ARHGAP28: variants seen among roughly 807,000 people sequenced by gnomAD.
The protein encoded by ARHGAP28 is rho GTPase-activating protein 28.
A neutral mutation model predicts 90.7 loss-of-function variants in ARHGAP28; 56 were observed. The observed-to-expected ratio is 0.62, with a 90% CI of 0.50 to 0.77. ARHGAP28 has a LOEUF of 0.77. Among genes scored for constraint, ARHGAP28 ranks in the 30% least tolerant of loss-of-function variants. The pLI is 0.00. For synonymous variants in ARHGAP28, 308 were observed against 323.3 expected, an observed-to-expected ratio of 0.95 and a Z score of 0.51; for missense variants, 869 against 900.9, an observed-to-expected ratio of 0.96 and a Z score of 0.45.
intron 5 of ARHGAP28, among the ~76,000 whole-genome samples, chr18:6,862,561 C>T (rs752535165): frequency 2.0e-5 from 3 of 152,188 alleles, no homozygotes; most frequent in African/African-American, 4.8e-5. Flanking sequence ...ATGTCTGTCT[C>T]TATGGTTTGT....
intron 1 of ARHGAP28, among the ~76,000 whole-genome samples, chr18:6,767,437 G>A (rs11081270): frequency 0.12 from 17,999 of 151,932 alleles, 1,442 homozygotes; most frequent in African/African-American, 0.21. Context: ...AGAGGTCCAA[G>A]TTTCCATCTG....
chr18:6,905,884 AT>A (rs1445870469), intron 16 of ARHGAP28, among the ~76,000 whole-genome samples: 2 of 152,152 alleles, frequency 1.3e-5, no homozygotes, highest in Non-Finnish European at 2.9e-5. Context: ...GGTGAAAGAA[AT>A]TAAAGAAGAC....
In ARHGAP28 at chr18:6,769,782, T is replaced by C. The variant is rs541801411; in HGVS notation, c.122+39839T>C. On this transcript the variant is annotated intron_variant, in intron 1 of 17. Transcript: ENST00000383472. ...ATGTCTATCTTCGTAGTTTATGAAT[T>C]GATTGAGAATAGGAACCCTGTACTT... Among the ~76,000 whole-genome samples the C allele has an allele frequency of 5.3e-5, 8 of 152,342 alleles. No individual in the cohort carries two copies. The South Asian group carries it at 1.7e-3, about 32-fold the overall frequency.
At chr18:6,860,829 T>A (rs899011074) in intron 5 of ARHGAP28, among the ~76,000 whole-genome samples, 7 of 152,176 alleles carry the variant, frequency 4.6e-5, no homozygotes, top group Non-Finnish European at 7.3e-5. Context: ...AGGAATAAAA[T>A]AATATGAGTG....
chr18:6,749,621 A>G (rs1397311367), intron 1 of ARHGAP28, among the ~76,000 whole-genome samples: 1 of 152,104 alleles, frequency 6.6e-6, no homozygotes, highest in African/African-American at 2.4e-5. Flanking sequence ...AATATGTGGC[A>G]TTAGAGTATA....
At chr18:6,783,508 T>C (rs1361486847) in intron 1 of ARHGAP28, among the ~76,000 whole-genome samples, 1 of 143,498 alleles carries the variant, frequency 7.0e-6, no homozygotes, top group African/African-American at 3.0e-5. Flanking sequence ...TCCATGTTGG[T>C]CAGGCTGGTC....
intron 9 of ARHGAP28, chr18:6,874,757 G>T (rs930606538): frequency 6.6e-6 from 1 of 152,138 alleles, no homozygotes; most frequent in East Asian, 1.9e-4. Context: ...ATGGCCAGAG[G>T]ATACAAGCAA....
intron 3 of ARHGAP28, among the ~76,000 whole-genome samples, chr18:6,841,167 C>CCTCTCTCTCTCTCTCTCCTCTCTCTCT (rs776937358): frequency 3.8e-5 from 3 of 79,996 alleles, no homozygotes; most frequent in Admixed American, 1.3e-4. Flanking sequence ...TTCTCTCTCT[C>CCTCTCTCTCTCTCTCTCCTCTCTCTCT]CTCTCTCTCT....
chr18:6,748,808 C>A (rs1336272577), intron 1 of ARHGAP28, among the ~76,000 whole-genome samples: 1 of 151,994 alleles, frequency 6.6e-6, no homozygotes, highest in African/African-American at 2.4e-5. Flanking sequence ...GAAATTAATC[C>A]TTTTTTAAAC....
rs562837836 is a variant in ARHGAP28 at position 6,777,659 on chromosome 18, A to G, written c.123-47103A>G. ...AGAATCACTTGATATCAGGAGGTCAAGGCTGCAGTGATCTATGATTGCACC... is the reference window on the plus strand; with the variant it reads ...AGAATCACTTGATATCAGGAGGTCAGGGCTGCAGTGATCTATGATTGCACC... On this transcript the variant is annotated intron_variant, in intron 1 of 17. Transcript: ENST00000383472. Among the ~76,000 whole-genome samples, 14 of 152,276 alleles carry G rather than the reference A, an allele frequency of 9.2e-5. 1 individual carries two copies. Among genetic ancestry groups the G allele is most frequent in the Admixed American group, 3.3e-4 (5 of 15,282 alleles).
At chr18:6,833,225 G>C (rs907646898) in intron 2 of ARHGAP28, among the ~76,000 whole-genome samples, 2 of 151,868 alleles carry the variant, frequency 1.3e-5, no homozygotes, top group Non-Finnish European at 2.9e-5. Context: ...GGTATTATAT[G>C]TATATATACA....
intron 1 of ARHGAP28, among the ~76,000 whole-genome samples, chr18:6,732,829 A>G (rs1043612289): frequency 3.3e-5 from 5 of 152,224 alleles, no homozygotes; most frequent in African/African-American, 1.2e-4. Context: ...TGACTAACGC[A>G]GAGGAAGCAC....
chr18:6,844,359 G>A (rs908354811), intron 3 of ARHGAP28, among the ~76,000 whole-genome samples: 2 of 152,064 alleles, frequency 1.3e-5, no homozygotes, highest in African/African-American at 2.4e-5. Context: ...AAAACAATCA[G>A]GACACTTAAG....
At chr18:6,870,554 A>G (rs755478637) in intron 6 of ARHGAP28, 36 bp from the exon 7 acceptor site, 6 of 1,536,966 alleles carry the variant, frequency 3.9e-6, no homozygotes, top group African/African-American at 2.8e-5. Context: ...ATTAAATAGC[A>G]TATTAAATAG....
intron 1 of ARHGAP28, among the ~76,000 whole-genome samples, chr18:6,823,283 C>A (rs532748053): frequency 6.6e-6 from 1 of 152,194 alleles, no homozygotes; most frequent in African/African-American, 2.4e-5. Context: ...GACTACTCAG[C>A]ACCACAAGTA....
chr18:6,735,326 C>T lies in ARHGAP28; in HGVS notation c.122+5383C>T, dbSNP rs568902894. Among the ~76,000 whole-genome samples the T allele has an allele frequency of 1.1e-3, 160 of 152,262 alleles. 1 individual carries two copies. Among genetic ancestry groups the T allele is most frequent in the African/African-American group, 3.7e-3 (153 of 41,540 alleles). On this transcript the variant is annotated intron_variant, in intron 1 of 17. Transcript: ENST00000383472. The stretch of plus-strand genomic sequence containing the variant: ...TGGTACAATACTGTAAACTAAACTA[C>T]GACCTATGTTTTGATTTCACCAGTT...
intron 1 of ARHGAP28, among the ~76,000 whole-genome samples, chr18:6,771,237 T>C (rs1007664590): frequency 1.3e-5 from 2 of 152,130 alleles, no homozygotes; most frequent in South Asian, 4.1e-4. Context: ...GAGTGGGGTA[T>C]CTCACTATGT....
At chr18:6,859,479 G>C (rs1022740638) in intron 4 of ARHGAP28, among the ~76,000 whole-genome samples, 1 of 152,108 alleles carries the variant, frequency 6.6e-6, no homozygotes, top group African/African-American at 2.4e-5. Context: ...TGTCGGCCAC[G>C]TGACCCCTCT....
chr18:6,847,607 GGAT>G (rs2056875716), intron 3 of ARHGAP28, among the ~76,000 whole-genome samples: 1 of 132,512 alleles, frequency 7.5e-6, no homozygotes, highest in Non-Finnish European at 1.6e-5. Context: ...AATCACGAAA[GGAT>G]GAGAGAGAGA....
Sources: gnomAD v4.1 joint callset for allele counts (sites outside exome capture counted in the v4.1 genomes callset) on GRCh38, gnomAD v4.1.1 for gene constraint, MANE v1.5 for transcripts, NCBI Gene and HGNC (gene_info 2026-07-23, HGNC 2026-07-21) for gene names.